Variants in DLGAP1 observed in about 807,000 individuals in gnomAD.
DLGAP1 encodes the protein DLG associated protein 1, also known as disks large-associated protein 1.
A neutral mutation model predicts 90.8 loss-of-function variants in DLGAP1; 11 were observed. That is an observed-to-expected ratio of 0.12 (90% CI 0.08 to 0.20). The LOEUF is 0.20. Among genes scored for constraint, DLGAP1 ranks in the 10% least tolerant of loss-of-function variants. DLGAP1 has a pLI of 1.00. For synonymous variants in DLGAP1, 558 were observed against 540.7 expected (o/e 1.03, Z -0.44); for missense variants, 1,050 against 1,333.8 (o/e 0.79, Z 3.31).
intron 7 of DLGAP1, among the ~76,000 whole-genome samples, chr18:3,656,922 AT>A (rs1555617696): frequency 6.6e-6 from 1 of 151,676 alleles, no homozygotes; most frequent in Non-Finnish European, 1.5e-5. Context: ...AATTTTTTGT[AT>A]TTTTAGTAGA....
intron 7 of DLGAP1, among the ~76,000 whole-genome samples, chr18:3,662,129 A>C (rs1342996249): frequency 6.6e-6 from 1 of 152,170 alleles, no homozygotes; most frequent in African/African-American, 2.4e-5. Context: ...AGCTACACAC[A>C]GTAAAAGGTG....
At chr18:3,812,371 G>A (rs940428105) in intron 5 of DLGAP1, among the ~76,000 whole-genome samples, 2 of 94,476 alleles carry the variant, frequency 2.1e-5, no homozygotes, top group East Asian at 5.4e-4. Flanking sequence ...TTATTTCCAC[G>A]AATTTTTTTT....
At position 3,925,346 on chromosome 18, in the gene DLGAP1, G is replaced by C. The variant is rs188452791; in HGVS notation, c.-72-45206C>G. Among the ~76,000 whole-genome samples the C allele has an allele frequency of 3.6e-3, 546 of 149,634 alleles. 5 individuals carry two copies. Among genetic ancestry groups the C allele is most frequent in the African/African-American group, 0.013 (512 of 40,610 alleles). On this transcript the variant is annotated intron_variant, in intron 3 of 12. Coordinates refer to ENST00000315677, the MANE Select transcript of DLGAP1 (RefSeq NM_004746.4). ...CATGTCATCTGCAAATAGGACAGTT[G>C]TATTTTGCATTACCCTCTACCATGG...
At chr18:4,229,354 AC>A (rs2078253356) in intron 1 of DLGAP1, among the ~76,000 whole-genome samples, 2 of 152,082 alleles carry the variant, frequency 1.3e-5, no homozygotes, top group South Asian at 4.1e-4. Context: ...ACCAAAAAAG[AC>A]CCAGAATAGC....
Position 3,755,842 on chromosome 18 carries a change from C to A in DLGAP1, c.1173-13330G>T, listed in dbSNP as rs147488032. Among the ~76,000 whole-genome samples the A allele has an allele frequency of 1.3e-4, 20 of 152,306 alleles. No individual in the cohort carries two copies. In the East Asian group the frequency reaches 3.9e-3, roughly 29 times the overall value. ...ACTAACGGATACCTATAGAACACTC[C>A]ACTAAACAAAACCAGAATACATACT... On this transcript the variant is annotated intron_variant, in intron 5 of 12. Coordinates refer to ENST00000315677, the MANE Select transcript of DLGAP1 (RefSeq NM_004746.4).
chr18:3,526,274 GC>G lies in DLGAP1; in HGVS notation c.2479+7919del, dbSNP rs1478401835. On this transcript the variant is annotated intron_variant, in intron 10 of 12. Transcript: ENST00000315677. This position sits in a 1 kb window ranked among gnomAD's most constrained non-coding sequence, Gnocchi z 4.7. ...ATGAATTGCAGAACTCACAGATACAGCTTTGTCTGCCACCCACTGTTTCACA... is the reference window on the plus strand; with the variant it reads ...ATGAATTGCAGAACTCACAGATACAGTTTGTCTGCCACCCACTGTTTCACA... 1.3e-5 allele frequency among the ~76,000 whole-genome samples: 2 copies of G among 152,178 alleles called. No homozygotes were observed. The highest frequency in any genetic ancestry group is 2.4e-5 in the African/African-American group (1 of 41,442).
chr18:4,451,119 C>A (rs1486675733), intron 1 of DLGAP1, among the ~76,000 whole-genome samples: 1 of 152,056 alleles, frequency 6.6e-6, no homozygotes, highest in African/African-American at 2.4e-5. Context: ...TGAAGATAAC[C>A]CTGTTTCTCA....
At chr18:3,502,278 A>T in intron 12 of DLGAP1, 1 of 1,341,292 alleles carries the variant, frequency 7.5e-7, no homozygotes, top group Non-Finnish European at 9.6e-7. Flanking sequence ...TTTCCAATTC[A>T]CAAAGACAGG....
At chr18:4,069,988 CTT>C (rs367638752) in intron 2 of DLGAP1, among the ~76,000 whole-genome samples, 12 of 145,166 alleles carry the variant, frequency 8.3e-5, no homozygotes, top group Admixed American at 1.4e-4. Flanking sequence ...TTCTTTCTTT[CTT>C]TTTTTTTTTT....
At chr18:4,368,399 G>A (rs1158790424) in intron 1 of DLGAP1, among the ~76,000 whole-genome samples, 1 of 152,134 alleles carries the variant, frequency 6.6e-6, no homozygotes, top group African/African-American at 2.4e-5. Flanking sequence ...AGTAGACACT[G>A]AGTAAAGCAG....
At position 3,519,492 on chromosome 18, in the gene DLGAP1, C is replaced by T. The variant is rs565236446; in HGVS notation, c.2480-10831G>A. Among the ~76,000 whole-genome samples the T allele has an allele frequency of 3.3e-5, 5 of 152,304 alleles. No homozygotes were observed. The South Asian group carries it at 1.0e-3, about 32-fold the overall frequency. On this transcript the variant is annotated intron_variant, in intron 10 of 12. Coordinates refer to ENST00000315677, the MANE Select transcript of DLGAP1 (RefSeq NM_004746.4). Reference sequence around the variant, plus strand: ...ACCCCTATTCCCTCATCTTCAACAACCTTGCCTCCTATGAGATGAAAATGG... The same window carrying T: ...ACCCCTATTCCCTCATCTTCAACAATCTTGCCTCCTATGAGATGAAAATGG...
At chr18:4,256,554 T>G (rs2078891485) in intron 1 of DLGAP1, among the ~76,000 whole-genome samples, 1 of 152,226 alleles carries the variant, frequency 6.6e-6, no homozygotes, top group Admixed American at 6.5e-5. Flanking sequence ...TGTGGGTATG[T>G]GTGCATGTGT....
chr18:3,596,510 A>G (rs1274421070), intron 7 of DLGAP1: 2 of 207,530 alleles, frequency 9.6e-6, no homozygotes, highest in East Asian at 1.8e-4. Flanking sequence ...TTCTTGTCAG[A>G]TGTCACTTTT....
intron 2 of DLGAP1, among the ~76,000 whole-genome samples, chr18:4,020,599 G>T (rs1305679592): frequency 2.0e-5 from 3 of 152,182 alleles, no homozygotes; most frequent in Non-Finnish European, 4.4e-5. Context: ...CAGTGAAAGA[G>T]ACCTGACCTA....
chr18:4,298,774 A>T (rs2615868), intron 1 of DLGAP1, among the ~76,000 whole-genome samples: 78,420 of 151,446 alleles, frequency 0.52, 23,569 homozygotes, highest in East Asian at 0.73. Context: ...AAATAAATAA[A>T]AAAAAAAAAG....
At chr18:4,367,300 C>T (rs2081797790) in intron 1 of DLGAP1, among the ~76,000 whole-genome samples, 1 of 151,772 alleles carries the variant, frequency 6.6e-6, no homozygotes, top group Admixed American at 6.6e-5. Flanking sequence ...ATAAACTAGC[C>T]AATGTCAAAT....
At chr18:3,601,714 C>A (rs1183295766) in intron 7 of DLGAP1, among the ~76,000 whole-genome samples, 1 of 151,766 alleles carries the variant, frequency 6.6e-6, no homozygotes. Flanking sequence ...TCATGGTGGC[C>A]TGCCCCAGTA....
At chr18:3,819,041 G>T (rs2067254066) in intron 4 of DLGAP1, among the ~76,000 whole-genome samples, 1 of 151,854 alleles carries the variant, frequency 6.6e-6, no homozygotes, top group African/African-American at 2.4e-5. Flanking sequence ...GCCGGACGCG[G>T]TGGCTCATGC....
At chr18:4,153,170 T>C (rs1007918139) in intron 1 of DLGAP1, among the ~76,000 whole-genome samples, 1 of 152,248 alleles carries the variant, frequency 6.6e-6, no homozygotes, top group African/African-American at 2.4e-5. Flanking sequence ...TTAAATGTCA[T>C]CTAGTGTAAT....
Sources: allele counts gnomAD v4.1 joint callset (sites outside exome capture counted in the v4.1 genomes callset), GRCh38; gene constraint gnomAD v4.1.1; non-coding constraint Gnocchi (gnomAD v3.1); transcripts MANE v1.5; gene names NCBI Gene and HGNC (gene_info 2026-07-23, HGNC 2026-07-21).